GRIN2A: variants seen among roughly 807,000 people sequenced by gnomAD.
GRIN2A encodes the protein glutamate receptor ionotropic, NMDA 2A.
A neutral mutation model predicts 113.4 loss-of-function variants in GRIN2A; 22 were observed. The ratio of observed to expected loss-of-function variants is 0.19; its 90% CI spans 0.14 to 0.28. GRIN2A has a LOEUF of 0.28. Among genes scored for constraint, GRIN2A ranks in the 10% least tolerant of loss-of-function variants. The pLI, the probability that GRIN2A is intolerant of heterozygous loss-of-function variation, is 1.00. For missense variants in GRIN2A, 1,502 were observed against 1,887.0 expected, an observed-to-expected ratio of 0.80 and a Z score of 3.78; for synonymous variants, 827 against 738.4, an observed-to-expected ratio of 1.12 and a Z score of -1.94.
chr16:9,882,510 G>A (rs907833273), intron 4 of GRIN2A, among the ~76,000 whole-genome samples: 1 of 152,194 alleles, frequency 6.6e-6, no homozygotes, highest in African/African-American at 2.4e-5. Flanking sequence ...GAAGGGGCCG[G>A]GTGCGGTGCC....
intron 3 of GRIN2A, among the ~76,000 whole-genome samples, chr16:9,934,909 G>A: frequency 6.6e-6 from 1 of 151,880 alleles, no homozygotes. Flanking sequence ...CATGGATGGA[G>A]AGATGTTTCA....
chr16:9,929,060 C>A (rs749445274), intron 3 of GRIN2A, among the ~76,000 whole-genome samples: 1 of 152,216 alleles, frequency 6.6e-6, no homozygotes, highest in South Asian at 2.1e-4. Context: ...CAGCGTAACT[C>A]TTTCTCTCCA....
intron 3 of GRIN2A, among the ~76,000 whole-genome samples, chr16:9,904,232 A>T (rs191081513): frequency 6.6e-6 from 1 of 152,360 alleles, no homozygotes; most frequent in East Asian, 1.9e-4. Flanking sequence ...TGGAAGCTGG[A>T]AAGTTCAAGA....
At chr16:9,806,916 G>A (rs983146724) in intron 10 of GRIN2A, among the ~76,000 whole-genome samples, 1 of 151,896 alleles carries the variant, frequency 6.6e-6, no homozygotes, top group Non-Finnish European at 1.5e-5. Context: ...GGGACCCAGT[G>A]GGGGATAAAT....
At chr16:10,152,276 G>C (rs1458706204) in intron 2 of GRIN2A, among the ~76,000 whole-genome samples, 1 of 152,070 alleles carries the variant, frequency 6.6e-6, no homozygotes, top group Non-Finnish European at 1.5e-5. Flanking sequence ...AACACCCCAT[G>C]CTCCAACCAA....
At chr16:10,018,956 T>TC (rs555853379) in intron 2 of GRIN2A, among the ~76,000 whole-genome samples, 114 of 151,960 alleles carry the variant, frequency 7.5e-4, no homozygotes, top group Non-Finnish European at 1.0e-3. Context: ...CCCCACTTTT[T>TC]CTCCCAAGTT....
At position 10,017,413 on chromosome 16, in the gene GRIN2A, T is replaced by C. The variant is rs1314070789; in HGVS notation, c.415-78862A>G. ...TCATGAAAGAAGGCAGGAGGGGAAATCATTTCTGCACAGGTTACAGTAGAC... is the reference window on the plus strand; with the variant it reads ...TCATGAAAGAAGGCAGGAGGGGAAACCATTTCTGCACAGGTTACAGTAGAC... On this transcript the variant is annotated intron_variant, in intron 2 of 12. Coordinates refer to ENST00000330684, the MANE Select transcript of GRIN2A (RefSeq NM_001134407.3). Among the ~76,000 whole-genome samples the C allele has an allele frequency of 2.0e-5, 3 of 151,878 alleles. No homozygotes were observed. The East Asian group carries it at 5.8e-4, about 29-fold the overall frequency.
intron 3 of GRIN2A, among the ~76,000 whole-genome samples, chr16:9,900,802 AC>A (rs1366166886): frequency 6.6e-6 from 1 of 152,150 alleles, no homozygotes; most frequent in Non-Finnish European, 1.5e-5. Context: ...ACTAAGGATC[AC>A]CTAACCACTT....
At chr16:9,856,316 C>A (rs1225008283) in intron 4 of GRIN2A, among the ~76,000 whole-genome samples, 3 of 152,096 alleles carry the variant, frequency 2.0e-5, no homozygotes, top group Non-Finnish European at 2.9e-5. Context: ...TTAAAGGTTA[C>A]AACAAGGCCA....
rs1900242330 is a variant in GRIN2A at position 9,753,445 on chromosome 16, G to T, written c.*9704C>A. 1 of 195,508 alleles carries T rather than the reference G, an allele frequency of 5.1e-6. No homozygotes were observed. Among genetic ancestry groups the T allele is most frequent in the Non-Finnish European group, 1.1e-5 (1 of 94,158 alleles). The allele number at this position is 195,508 out of a possible 1,614,324, so 12.1% of individuals were successfully genotyped here. ...CAATTGGCAGAAATTATCTTTATTA[G>T]AAAAATGAAATTTTCCTGTATTTAC... On this transcript the variant is annotated 3_prime_UTR_variant, in exon 13 of 13. Coordinates refer to ENST00000330684, the MANE Select transcript of GRIN2A (RefSeq NM_001134407.3).
intron 3 of GRIN2A, among the ~76,000 whole-genome samples, chr16:9,918,471 C>T (rs1409725367): frequency 6.6e-6 from 1 of 152,154 alleles, no homozygotes; most frequent in Non-Finnish European, 1.5e-5. Flanking sequence ...AATGTGGTCT[C>T]TCTCTTAAAA....
chr16:9,957,324 A>C (rs2045331470), intron 2 of GRIN2A, among the ~76,000 whole-genome samples: 1 of 152,166 alleles, frequency 6.6e-6, no homozygotes. Flanking sequence ...TATAGGATTG[A>C]GCTCCAAACA....
intron 2 of GRIN2A, among the ~76,000 whole-genome samples, chr16:9,985,915 A>T (rs2045972179): frequency 6.6e-6 from 1 of 152,230 alleles, no homozygotes; most frequent in Non-Finnish European, 1.5e-5. Flanking sequence ...TGTGACTATC[A>T]TGCATTGTAT....
At chr16:10,113,765 G>C (rs1234961125) in intron 2 of GRIN2A, among the ~76,000 whole-genome samples, 1 of 152,126 alleles carries the variant, frequency 6.6e-6, no homozygotes, top group Non-Finnish European at 1.5e-5. Context: ...TATGCAGAAG[G>C]AAATAAATGG....
intron 2 of GRIN2A, among the ~76,000 whole-genome samples, chr16:9,995,558 G>T (rs1181732188): frequency 6.6e-6 from 1 of 152,152 alleles, no homozygotes; most frequent in African/African-American, 2.4e-5. Flanking sequence ...GTACAAGTGA[G>T]CAAAGGAAGG....
At chr16:10,032,564 C>T (rs1278549490) in intron 2 of GRIN2A, among the ~76,000 whole-genome samples, 1 of 152,126 alleles carries the variant, frequency 6.6e-6, no homozygotes, top group South Asian at 2.1e-4. Flanking sequence ...AACTTTCAGC[C>T]CTTGCAACCC....
At chr16:9,890,051 C>A (rs1000308905) in intron 4 of GRIN2A, among the ~76,000 whole-genome samples, 4 of 152,138 alleles carry the variant, frequency 2.6e-5, no homozygotes, top group Admixed American at 2.6e-4. Flanking sequence ...TGATTTCAGT[C>A]AATTACATTA....
chr16:10,167,922 A>G lies in GRIN2A; in HGVS notation c.414+12076T>C, dbSNP rs145530535. On this transcript the variant is annotated intron_variant, in intron 2 of 12. Coordinates refer to ENST00000330684, the MANE Select transcript of GRIN2A (RefSeq NM_001134407.3). ...TGCCATAAGCAGATGTTCCAAATGC[A>G]GGAGAATACAACTGACTAAAAAGAA... Among the ~76,000 whole-genome samples, 268 of 152,342 alleles carry G rather than the reference A, an allele frequency of 1.8e-3. 1 individual carries two copies. The highest frequency in any genetic ancestry group is 6.1e-3 in the African/African-American group (253 of 41,570).
chr16:9,846,676 A>C (rs1431612144), intron 5 of GRIN2A, among the ~76,000 whole-genome samples: 1 of 152,204 alleles, frequency 6.6e-6, no homozygotes, highest in East Asian at 1.9e-4. Context: ...ATACACTGTA[A>C]AGACAGGTGA....
Sources: gnomAD v4.1 joint callset for allele counts (sites outside exome capture counted in the v4.1 genomes callset) on GRCh38, gnomAD v4.1.1 for gene constraint, MANE v1.5 for transcripts, NCBI Gene and HGNC (gene_info 2026-07-23, HGNC 2026-07-21) for gene names.